TTBK2: variants seen among roughly 807,000 people sequenced by gnomAD.
TTBK2 encodes tau tubulin kinase 2.
Under a neutral mutation model 110.8 loss-of-function variants are expected in TTBK2, and 28 were observed. That is an observed-to-expected ratio of 0.25 (90% CI 0.19 to 0.35). The LOEUF is 0.35. Ranked by LOEUF, TTBK2 falls within the 10% of genes least tolerant of loss-of-function variation. TTBK2 has a pLI of 1.00. For synonymous variants in TTBK2, 532 were observed against 527.3 expected (o/e 1.01, Z -0.12); for missense variants, 1,369 against 1,500.3 (o/e 0.91, Z 1.45).
chr15:42,919,333 G>C lies in TTBK2; in HGVS notation c.-68+1105C>G, dbSNP rs184208626. Among the ~76,000 whole-genome samples the C allele has an allele frequency of 1.8e-3, 271 of 151,784 alleles. 1 individual carries two copies. The highest frequency in any genetic ancestry group is 6.2e-3 in the African/African-American group (258 of 41,394). On this transcript the variant is annotated intron_variant, in intron 1 of 14. Coordinates refer to ENST00000267890, the MANE Select transcript of TTBK2 (RefSeq NM_173500.4). ...GCAATACATAGCATTCAATTCCCTT[G>C]ATAAGTTAAAATCATTTCCCCCTTC...
At chr15:42,829,048 T>C (rs1892647504) in intron 5 of TTBK2, among the ~76,000 whole-genome samples, 1 of 152,186 alleles carries the variant, frequency 6.6e-6, no homozygotes, top group Non-Finnish European at 1.5e-5. Context: ...TAATGATGCA[T>C]AGAAATAGAC....
At chr15:42,798,034 C>T (rs567347719) in intron 9 of TTBK2, among the ~76,000 whole-genome samples, 70 of 152,236 alleles carry the variant, frequency 4.6e-4, no homozygotes, top group Admixed American at 1.8e-3. Flanking sequence ...CAGGCACACG[C>T]CACCATGCCC....
intron 1 of TTBK2, among the ~76,000 whole-genome samples, chr15:42,891,332 C>T (rs562569026): frequency 2.2e-4 from 33 of 152,016 alleles, no homozygotes; most frequent in South Asian, 2.1e-4. Flanking sequence ...TGTGCCACCA[C>T]ACCCAGCTCA....
In TTBK2 at chr15:42,878,426, G is replaced by A. The variant is rs62020680; in HGVS notation, c.69+123C>T. On this transcript the variant is annotated intron_variant, in intron 2 of 14. Coordinates refer to ENST00000267890, the MANE Select transcript of TTBK2 (RefSeq NM_173500.4). ...TAACTGCTTTAGGCATATAAGTAAT[G>A]TATGTAATATTTCCTAATGAAATGC... The A allele has an allele frequency of 0.12, 190,226 of 1,527,356 alleles. 13,348 individuals carry two copies. Among genetic ancestry groups the A allele is most frequent in the Non-Finnish European group, 0.14 (164,415 of 1,135,594 alleles). The allele number at this position is 1,527,356 out of a possible 1,614,324, so 94.6% of individuals were successfully genotyped here.
At chr15:42,833,206 T>C (rs1892833789) in intron 4 of TTBK2, among the ~76,000 whole-genome samples, 1 of 90,194 alleles carries the variant, frequency 1.1e-5, no homozygotes, top group Admixed American at 1.1e-4. Context: ...AAAATAAAAA[T>C]CTTTTAAATA....
chr15:42,799,535 G>C (rs899684372), intron 9 of TTBK2, among the ~76,000 whole-genome samples: 1 of 152,082 alleles, frequency 6.6e-6, no homozygotes. Context: ...CTGGGTTCAA[G>C]AGATTCTCCT....
chr15:42,763,067 G>A (rs1172159007), intron 13 of TTBK2, among the ~76,000 whole-genome samples: 2 of 126,358 alleles, frequency 1.6e-5, no homozygotes, highest in African/African-American at 6.4e-5. Flanking sequence ...ACTATAGGAT[G>A]ATTACAGTTA....
chr15:42,769,254 G>T (rs951230954), intron 13 of TTBK2, among the ~76,000 whole-genome samples: 5 of 152,164 alleles, frequency 3.3e-5, no homozygotes, highest in Non-Finnish European at 7.3e-5. Flanking sequence ...AGCCAAAATT[G>T]ACAAATGGGA....
intron 13 of TTBK2, among the ~76,000 whole-genome samples, chr15:42,760,831 T>C (rs906035328): frequency 5.9e-5 from 9 of 152,000 alleles, no homozygotes; most frequent in African/African-American, 2.2e-4. Context: ...TTTGCAGAAA[T>C]AGAAAAACAA....
intron 3 of TTBK2, among the ~76,000 whole-genome samples, chr15:42,850,037 A>C (rs1392886661): frequency 1.3e-5 from 2 of 151,984 alleles, no homozygotes; most frequent in African/African-American, 4.8e-5. Context: ...GCAGAGGGAG[A>C]AAAAAAGCAG....
intron 6 of TTBK2, among the ~76,000 whole-genome samples, chr15:42,825,127 A>G (rs1892474360): frequency 6.6e-6 from 1 of 152,028 alleles, no homozygotes; most frequent in African/African-American, 2.4e-5. Flanking sequence ...TAATAATAAT[A>G]AATGTAAAAA....
At chr15:42,856,061 T>G (rs988757241) in intron 3 of TTBK2, among the ~76,000 whole-genome samples, 1 of 152,180 alleles carries the variant, frequency 6.6e-6, no homozygotes, top group Non-Finnish European at 1.5e-5. Context: ...CTTCCTATAC[T>G]AACTATATTT....
At chr15:42,918,377 T>C (rs1482207778) in intron 1 of TTBK2, among the ~76,000 whole-genome samples, 1 of 151,880 alleles carries the variant, frequency 6.6e-6, no homozygotes, top group Non-Finnish European at 1.5e-5. Flanking sequence ...GCAGCAAACA[T>C]TTATTATCTC....
intron 3 of TTBK2, among the ~76,000 whole-genome samples, chr15:42,851,591 G>T (rs944636199): frequency 6.6e-6 from 1 of 151,940 alleles, no homozygotes; most frequent in Admixed American, 6.6e-5. Flanking sequence ...ATGTTGTTGT[G>T]GAAGGTGGGT....
chr15:42,822,597 G>GA (rs1045273189), intron 6 of TTBK2, among the ~76,000 whole-genome samples: 20 of 148,816 alleles, frequency 1.3e-4, no homozygotes, highest in East Asian at 2.0e-4. Context: ...GACCATGAGA[G>GA]AAAAAAAAAC....
chr15:42,792,516 C>T (rs1344172721), intron 10 of TTBK2, among the ~76,000 whole-genome samples: 1 of 152,126 alleles, frequency 6.6e-6, no homozygotes, highest in African/African-American at 2.4e-5. Context: ...TCTATCAGGA[C>T]ACTTTTTAGT....
rs764264374 is a variant in TTBK2, at chr15:42,794,814, G to GA, written c.823-14dup. 12 of 1,613,482 alleles carry GA rather than the reference G, an allele frequency of 7.4e-6. No homozygotes were observed. In the East Asian group the frequency reaches 2.5e-4, roughly 33 times the overall value. ...CGGATGTAAGAAGCTAAACCACAAA[G>GA]AAAAAAACTAGAGTAAGTGAACAGT... On this transcript the variant is annotated splice_polypyrimidine_tract_variant and intron_variant, in intron 9 of 14. Coordinates refer to ENST00000267890, the MANE Select transcript of TTBK2 (RefSeq NM_173500.4).
chr15:42,789,058 T>C (rs1162580929), intron 10 of TTBK2, among the ~76,000 whole-genome samples: 1 of 152,212 alleles, frequency 6.6e-6, no homozygotes, highest in Non-Finnish European at 1.5e-5. Flanking sequence ...CAAAAATCTC[T>C]AATACAATTT....
At chr15:42,775,073 G>A in intron 13 of TTBK2, 62 bp downstream of exon 13, 2 of 1,553,306 alleles carry the variant, frequency 1.3e-6, no homozygotes, top group African/African-American at 2.7e-5. Flanking sequence ...TCAACTGTTA[G>A]TCCTTTCTTA....
Sources: allele counts gnomAD v4.1 joint callset (sites outside exome capture counted in the v4.1 genomes callset), GRCh38; gene constraint gnomAD v4.1.1; transcripts MANE v1.5; gene names NCBI Gene and HGNC (gene_info 2026-07-23, HGNC 2026-07-21).